Variants in ZBBX observed in about 807,000 individuals in gnomAD.
The protein encoded by ZBBX is zinc finger B-box domain-containing protein 1.
ZBBX carries 101 observed loss-of-function variants against 108.5 expected under a neutral mutation model. The ratio of observed to expected loss-of-function variants is 0.93; its 90% CI spans 0.79 to 1.10. The LOEUF (loss-of-function observed/expected upper bound fraction) is 1.10. Among genes scored for constraint, ZBBX ranks in the 50% least tolerant of loss-of-function variants. The probability of loss-of-function intolerance (pLI) is 0.00; values close to 1 mark genes in which losing one functional copy is unlikely to be tolerated. For synonymous variants in ZBBX, 356 were observed against 323.4 expected (o/e 1.10, Z -1.08); for missense variants, 1,009 against 941.4 (o/e 1.07, Z -0.94).
intron 11 of ZBBX, among the ~76,000 whole-genome samples, chr3:167,325,476 G>T (rs1175864170): frequency 6.6e-6 from 1 of 152,036 alleles, no homozygotes; most frequent in Non-Finnish European, 1.5e-5. Flanking sequence ...ATTACCTCTC[G>T]CCGGGGCCCT....
At chr3:167,214,693 C>T in the ZBBX span, among the ~76,000 whole-genome samples, 1 of 152,120 alleles carries the variant, frequency 6.6e-6, no homozygotes, top group African/African-American at 2.4e-5. Flanking sequence ...GCACATTCTT[C>T]TCATCATCAC....
At chr3:167,366,356 C>G (rs1165662513) in intron 5 of ZBBX, among the ~76,000 whole-genome samples, 1 of 151,616 alleles carries the variant, frequency 6.6e-6, no homozygotes, top group Non-Finnish European at 1.5e-5. Context: ...AACCAATACC[C>G]CAAAATATTC....
At chr3:167,290,250 C>T (rs1206507497) in intron 18 of ZBBX, among the ~76,000 whole-genome samples, 1 of 152,182 alleles carries the variant, frequency 6.6e-6, no homozygotes, top group Non-Finnish European at 1.5e-5. Flanking sequence ...TCAAGTGTAT[C>T]CTGATTGGGA....
chr3:167,200,249 C>T, the ZBBX span, among the ~76,000 whole-genome samples: 1 of 152,092 alleles, frequency 6.6e-6, no homozygotes, highest in Non-Finnish European at 1.5e-5. Context: ...GAGCATGATT[C>T]AACGCAGTAC....
At position 167,368,584 on chromosome 3, in the gene ZBBX, T is replaced by C; in HGVS notation, c.69-10A>G. On this transcript the variant is annotated splice_polypyrimidine_tract_variant and intron_variant, in intron 4 of 21. Coordinates refer to ENST00000675490, the MANE Select transcript of ZBBX (RefSeq NM_001199201.2). ...CAGTTCTTGAGCATTTCTGAAGACA[T>C]AAGATTTAAATGGAGAAAGCAGAAA... 1 of 1,576,566 alleles carries C rather than the reference T, an allele frequency of 6.3e-7. No homozygotes were observed. The highest frequency in any genetic ancestry group is 8.6e-7 in the Non-Finnish European group (1 of 1,162,746).
At chr3:167,178,601 TGATAAGGATTCA>T in the ZBBX span, among the ~76,000 whole-genome samples, 2 of 152,138 alleles carry the variant, frequency 1.3e-5, no homozygotes, top group Non-Finnish European at 2.9e-5. Flanking sequence ...ATCTGGCTCA[TGATAAGGATTCA>T]GATGTCTCAA....
the ZBBX span, among the ~76,000 whole-genome samples, chr3:167,190,885 G>A: frequency 1.3e-5 from 2 of 152,224 alleles, no homozygotes; most frequent in Middle Eastern, 3.4e-3. Flanking sequence ...AGACTACCAG[G>A]GCTCCTAAGC....
At chr3:167,397,805 A>AT (rs1198711886) in intron 1 of ZBBX, among the ~76,000 whole-genome samples, 1 of 151,724 alleles carries the variant, frequency 6.6e-6, no homozygotes, top group Non-Finnish European at 1.5e-5. Context: ...ATTTGGAGAA[A>AT]TAAAAAAAAA....
chr3:167,195,465 C>G, the ZBBX span, among the ~76,000 whole-genome samples: 2 of 152,274 alleles, frequency 1.3e-5, no homozygotes, highest in South Asian at 4.1e-4. Flanking sequence ...ATATGCCAAA[C>G]TAACCCTTTT....
At chr3:167,208,481 T>C in the ZBBX span, among the ~76,000 whole-genome samples, 1 of 152,178 alleles carries the variant, frequency 6.6e-6, no homozygotes, top group Non-Finnish European at 1.5e-5. Flanking sequence ...GCACAGCTAC[T>C]GTAGGATTGA....
chr3:167,190,529 T>C, the ZBBX span, among the ~76,000 whole-genome samples: 252 of 152,184 alleles, frequency 1.7e-3, 1 homozygote, highest in Non-Finnish European at 3.0e-3. Context: ...TACAGGTCCC[T>C]GCCACCACGC....
At chr3:167,268,890 C>T (rs974113022) in intron 20 of ZBBX, among the ~76,000 whole-genome samples, 1 of 152,112 alleles carries the variant, frequency 6.6e-6, no homozygotes, top group East Asian at 1.9e-4. Flanking sequence ...CAGGTCCAGA[C>T]CCCCGTTTAA....
chr3:167,368,170 C>A (rs1283930459), intron 5 of ZBBX, among the ~76,000 whole-genome samples: 1 of 151,014 alleles, frequency 6.6e-6, no homozygotes, highest in African/African-American at 2.4e-5. Flanking sequence ...CATAAACATT[C>A]CAGACCATAA....
chr3:167,380,695 T>C (rs1747647222), upstream of ZBBX, among the ~76,000 whole-genome samples: 1 of 152,126 alleles, frequency 6.6e-6, no homozygotes, highest in Non-Finnish European at 1.5e-5. Flanking sequence ...GAGTTTAGTC[T>C]CAGAACTCCC....
the ZBBX span, among the ~76,000 whole-genome samples, chr3:167,219,712 G>C: frequency 6.6e-6 from 1 of 151,710 alleles, no homozygotes; most frequent in Admixed American, 6.6e-5. Flanking sequence ...AACTAGAAAA[G>C]CAAGCACAAA....
intron 10 of ZBBX, among the ~76,000 whole-genome samples, chr3:167,332,146 G>A (rs1003259936): frequency 2.0e-5 from 3 of 152,054 alleles, no homozygotes; most frequent in African/African-American, 7.2e-5. Context: ...TACAGTTGGA[G>A]GAGCACTGCT....
At chr3:167,392,009 A>T (rs1399464827) in intron 1 of ZBBX, among the ~76,000 whole-genome samples, 1 of 151,728 alleles carries the variant, frequency 6.6e-6, no homozygotes, top group Admixed American at 6.6e-5. Context: ...TATACATAAA[A>T]TTCCCAAAAA....
At chr3:167,292,863 G>C (rs1730953112) in intron 18 of ZBBX, among the ~76,000 whole-genome samples, 1 of 151,972 alleles carries the variant, frequency 6.6e-6, no homozygotes, top group African/African-American at 2.4e-5. Flanking sequence ...AATGGCAAAG[G>C]GGATATCACC....
At chr3:167,178,797 G>A in the ZBBX span, among the ~76,000 whole-genome samples, 1 of 152,104 alleles carries the variant, frequency 6.6e-6, no homozygotes, top group East Asian at 1.9e-4. Context: ...GCTGCTGATA[G>A]CATCTGGCCT....
Sources: gnomAD v4.1 joint callset for allele counts (sites outside exome capture counted in the v4.1 genomes callset) on GRCh38, gnomAD v4.1.1 for gene constraint, MANE v1.5 for transcripts, NCBI Gene and HGNC (gene_info 2026-07-23, HGNC 2026-07-21) for gene names.